TENM1: variants seen among roughly 807,000 people sequenced by gnomAD.
TENM1 encodes teneurin transmembrane protein 1, also known as teneurin-1.
Under a neutral mutation model 174.8 loss-of-function variants are expected in TENM1, and 35 were observed. That is an observed-to-expected ratio of 0.20 (90% CI 0.15 to 0.27). The LOEUF (loss-of-function observed/expected upper bound fraction) is 0.27. Among genes scored for constraint, TENM1 ranks in the 10% least tolerant of loss-of-function variants. TENM1 has a pLI of 1.00. For synonymous variants in TENM1, 781 were observed against 798.7 expected (o/e 0.98, Z 0.37); for missense variants, 1,633 against 2,130.1 (o/e 0.77, Z 4.59).
intron 1 of TENM1, among the ~76,000 whole-genome samples, chrX:124,923,627 T>C (rs1317068410): frequency 8.9e-6 from 1 of 112,031 alleles, no homozygotes; most frequent in Non-Finnish European, 1.9e-5. Flanking sequence ...TAATAATCCG[T>C]TGACATTAAG....
chrX:125,045,156 C>G, the TENM1 span, among the ~76,000 whole-genome samples: 1 of 111,370 alleles, frequency 9.0e-6, no homozygotes, highest in East Asian at 2.9e-4. Flanking sequence ...ACCATCAGAT[C>G]TTGTGAGAAC....
exon 25 of TENM1, chrX:124,420,491 C>T (rs370554090): frequency 8.2e-7 from 1 of 1,212,140 alleles, no homozygotes; most frequent in African/African-American, 1.7e-5. Context: ...CGGCATTCCG[C>T]CTGCATCACG....
the TENM1 span, among the ~76,000 whole-genome samples, chrX:125,032,422 G>A: frequency 9.0e-6 from 1 of 110,624 alleles, no homozygotes; most frequent in East Asian, 2.8e-4. Context: ...CATCCGCCTC[G>A]GCCTCCAAAA....
intron 3 of TENM1, among the ~76,000 whole-genome samples, chrX:124,885,741 T>A (rs2057373108): frequency 9.0e-6 from 1 of 111,359 alleles, no homozygotes; most frequent in South Asian, 3.7e-4. Flanking sequence ...AAAATATTAC[T>A]TTTATAACAA....
intron 3 of TENM1, among the ~76,000 whole-genome samples, chrX:124,824,362 T>G (rs1262796172): frequency 1.8e-5 from 2 of 112,102 alleles, no homozygotes; most frequent in Non-Finnish European, 3.8e-5. Context: ...CAGCATCTAT[T>G]TTTCTTAACT....
chrX:125,061,815 G>T, the TENM1 span, among the ~76,000 whole-genome samples: 2 of 111,362 alleles, frequency 1.8e-5, no homozygotes, highest in Admixed American at 9.5e-5. Flanking sequence ...GATGCAGGAG[G>T]ATCGCTTGAA....
At chrX:125,196,670 T>TTA in the TENM1 span, among the ~76,000 whole-genome samples, 3 of 112,027 alleles carry the variant, frequency 2.7e-5, no homozygotes, top group South Asian at 1.1e-3. Flanking sequence ...CACTGTGTAG[T>TTA]TATAGTGTAT....
At chrX:124,965,326 G>A (rs112889536), upstream of TENM1, among the ~76,000 whole-genome samples, 2,550 of 111,564 alleles carry the variant, frequency 0.023, 86 homozygotes, top group African/African-American at 0.079. Flanking sequence ...TGATCCACCC[G>A]CCTCGGCCTC....
At chrX:124,884,448 C>A (rs1037104388) in intron 3 of TENM1, among the ~76,000 whole-genome samples, 2 of 110,947 alleles carry the variant, frequency 1.8e-5, no homozygotes, top group African/African-American at 6.6e-5. Flanking sequence ...AATCTCCAGG[C>A]ATATTCCCTA....
intron 3 of TENM1, among the ~76,000 whole-genome samples, chrX:124,807,916 C>A (rs7052056): frequency 6.4e-4 from 68 of 106,902 alleles, no homozygotes; most frequent in African/African-American, 2.0e-3. Flanking sequence ...CACACACACA[C>A]ACAGAGGAAG....
At chrX:125,054,527 T>C in the TENM1 span, among the ~76,000 whole-genome samples, 1 of 110,748 alleles carries the variant, frequency 9.0e-6, no homozygotes, top group Non-Finnish European at 1.9e-5. Flanking sequence ...AGAAGTGCAG[T>C]CAGTTTAAAA....
chrX:124,493,356 G>C (rs775073951), intron 20 of TENM1, among the ~76,000 whole-genome samples: 1 of 111,537 alleles, frequency 9.0e-6, no homozygotes, highest in South Asian at 3.7e-4. Flanking sequence ...GTAAATTTAC[G>C]TTTAAATTAC....
chrX:124,701,931 T>A (rs887693950), intron 5 of TENM1, among the ~76,000 whole-genome samples: 20 of 111,402 alleles, frequency 1.8e-4, no homozygotes, highest in African/African-American at 6.5e-4. Context: ...TTTCCCCTAG[T>A]GGATTGAGGG....
chrX:124,878,189 T>C (rs770325652), intron 3 of TENM1, among the ~76,000 whole-genome samples: 10 of 111,529 alleles, frequency 9.0e-5, no homozygotes, highest in Admixed American at 5.7e-4. Context: ...CCAAAATTTC[T>C]TTACATACAT....
chrX:124,969,757 G>A, the TENM1 span, among the ~76,000 whole-genome samples: 2 of 107,408 alleles, frequency 1.9e-5, no homozygotes, highest in Admixed American at 9.9e-5. Context: ...TTAACCACTC[G>A]TCTACACTGC....
At chrX:124,389,591 T>G (rs2060260693) in intron 28 of TENM1, among the ~76,000 whole-genome samples, 1 of 111,118 alleles carries the variant, frequency 9.0e-6, no homozygotes, top group South Asian at 3.8e-4. Context: ...ATTTCAAAGA[T>G]GCTTTAATTT....
chrX:125,033,463 T>G, the TENM1 span, among the ~76,000 whole-genome samples: 13 of 111,365 alleles, frequency 1.2e-4, no homozygotes, highest in Admixed American at 1.2e-3. Context: ...CTCATTGTAT[T>G]TTGAAATTGA....
At chrX:125,177,678 A>C in the TENM1 span, among the ~76,000 whole-genome samples, 4 of 111,960 alleles carry the variant, frequency 3.6e-5, no homozygotes, top group South Asian at 1.5e-3. Flanking sequence ...TTCTGCATTC[A>C]GCTGTCAAGT....
intron 22 of TENM1, among the ~76,000 whole-genome samples, chrX:124,480,820 T>TAC (rs770532429): frequency 5.4e-5 from 6 of 110,389 alleles, no homozygotes; most frequent in African/African-American, 9.8e-5. Flanking sequence ...TGCATGCAGA[T>TAC]ACACACACAC....
Sources: allele counts gnomAD v4.1 joint callset (sites outside exome capture counted in the v4.1 genomes callset), GRCh38; gene constraint gnomAD v4.1.1; transcripts MANE v1.5; gene names NCBI Gene and HGNC (gene_info 2026-07-23, HGNC 2026-07-21).